The following SLC36A3 variants were observed in gnomAD, a reference collection of about 807,000 sequenced individuals.
The protein encoded by SLC36A3 is proton-coupled amino acid transporter 3.
A neutral mutation model predicts 44.3 loss-of-function variants in SLC36A3; 35 were observed. That is an observed-to-expected ratio of 0.79 (90% CI 0.60 to 1.05). The LOEUF is 1.05. Ranked by LOEUF, SLC36A3 falls within the 50% of genes least tolerant of loss-of-function variation. SLC36A3 has a pLI of 0.00. For missense variants in SLC36A3, 540 were observed against 578.7 expected, an observed-to-expected ratio of 0.93 and a Z score of 0.69; for synonymous variants, 211 against 227.6, an observed-to-expected ratio of 0.93 and a Z score of 0.66.
rs1754826094 is a variant in SLC36A3 at position 151,293,244 on chromosome 5, C to T, written c.404+120G>A. 9.7e-6 allele frequency: 8 copies of T among 828,566 alleles called. No homozygotes were observed. The East Asian group carries it at 2.2e-4, about 23-fold the overall frequency. The allele number at this position is 828,566 out of a possible 1,614,324, so 51.3% of individuals were successfully genotyped here. ...GGGGGATGGGGTTATCGAGGTGATT[C>T]TCTCTATTGTTTGATAGTTTACAAT... On this transcript the variant is annotated intron_variant, in intron 4 of 9. Coordinates refer to ENST00000335230, the MANE Select transcript of SLC36A3 (RefSeq NM_181774.4).
chr5:151,284,787 C>G (rs986624426), intron 6 of SLC36A3, 76 bp from the exon 7 acceptor site: 3 of 1,088,776 alleles, frequency 2.8e-6, no homozygotes, highest in African/African-American at 1.5e-5. Flanking sequence ...TGGTAGAAAG[C>G]TGGGTCACAC....
At chr5:151,279,657 T>A (rs1754237170) in intron 9 of SLC36A3, among the ~76,000 whole-genome samples, 1 of 152,156 alleles carries the variant, frequency 6.6e-6, no homozygotes. Context: ...ACAATACTAT[T>A]TACAGCTTCC....
chr5:151,280,900 A>G (rs1404562283), intron 9 of SLC36A3, 114 bp downstream of exon 9: 1 of 1,292,810 alleles, frequency 7.7e-7, no homozygotes. Context: ...GAGGTGAAAT[A>G]TCCCACCCTA....
At chr5:151,282,886 C>CTTTTTTTTTTTT (rs11362344) in intron 8 of SLC36A3, among the ~76,000 whole-genome samples, 1 of 142,656 alleles carries the variant, frequency 7.0e-6, no homozygotes, top group Admixed American at 7.0e-5. Context: ...TTCTTTCTTT[C>CTTTTTTTTTTTT]TTTTTTTTTT....
intron 8 of SLC36A3, among the ~76,000 whole-genome samples, chr5:151,283,720 C>A (rs1754415370): frequency 6.6e-6 from 1 of 152,248 alleles, no homozygotes; most frequent in Admixed American, 6.5e-5. Context: ...TGAATGCTTA[C>A]CACGTGCTAA....
rs767205072 is a variant in SLC36A3 at position 151,303,342 on chromosome 5, C to T, written c.13G>A (p.Gly5Arg). ...TTCAGCTCACTGTTGTAGTCCCTTC[C>T]AAGCAATGACATCTTCAACACGGTG... is the stretch of plus-strand genomic sequence containing the variant. The part of the protein sequence containing the change: MSLL[G>R]RDYNSELNSL... The change falls in exon 1 of 10, where the codon GGA becomes AGA. Residue 5 changes from glycine to arginine, a missense_variant. Gly to Arg is a moderately radical substitution (Grantham distance 125). Coordinates refer to ENST00000335230, the MANE Select transcript of SLC36A3 (RefSeq NM_181774.4). 1.9e-6 allele frequency: 3 copies of T among 1,613,228 alleles called. No individual in the cohort carries two copies. Among genetic ancestry groups the T allele is most frequent in the African/African-American group, 2.7e-5 (2 of 74,896 alleles).
At chr5:151,292,326 C>T (rs1754789263) in intron 4 of SLC36A3, among the ~76,000 whole-genome samples, 1 of 152,106 alleles carries the variant, frequency 6.6e-6, no homozygotes, top group African/African-American at 2.4e-5. Flanking sequence ...ACTGAGAATC[C>T]CAAGAGAGGA....
chr5:151,276,501 G>A lies in SLC36A3; in HGVS notation c.*892C>T, dbSNP rs193095477. Among the ~76,000 whole-genome samples, 69 of 152,136 alleles carry A rather than the reference G, an allele frequency of 4.5e-4. No individual in the cohort carries two copies. Among genetic ancestry groups the A allele is most frequent in the African/African-American group, 1.6e-3 (68 of 41,480 alleles). ...TCACAATTTATTTATCCATTCTCTT[G>A]TTTATAGACATTTAGAGTATTTCCA... On this transcript the variant is annotated 3_prime_UTR_variant, in exon 10 of 10. Transcript: ENST00000335230.
rs112032431 is a variant in SLC36A3 at position 151,291,574 on chromosome 5, C to T, written c.404+1790G>A. Among the ~76,000 whole-genome samples, 481 of 152,168 alleles carry T rather than the reference C, an allele frequency of 3.2e-3. 1 individual carries two copies. The highest frequency in any genetic ancestry group is 0.011 in the African/African-American group (455 of 41,514). ...CTATTTATCTTGTTCCTCTATCCCC[C>T]GTGCTTCCTATAAATGGATATTAGA... On this transcript the variant is annotated intron_variant, in intron 4 of 9. Transcript: ENST00000335230.
At chr5:151,296,692 A>G (rs1239393364) in intron 2 of SLC36A3, 1 of 167,344 alleles carries the variant, frequency 6.0e-6, no homozygotes, top group Non-Finnish European at 1.3e-5. Flanking sequence ...TGCCCTATTG[A>G]CATTTTGGGG....
At position 151,303,152 on chromosome 5, in the gene SLC36A3, A is replaced by G. The variant is rs879324266; in HGVS notation, c.128+75T>C. On this transcript the variant is annotated intron_variant, in intron 1 of 9. Coordinates refer to ENST00000335230, the MANE Select transcript of SLC36A3 (RefSeq NM_181774.4). ...AATAAGCGTGTTAAGGAGATAGATGAAGGAAGACATAGTCCAGAGTTGCAA... is the reference window on the plus strand; with the variant it reads ...AATAAGCGTGTTAAGGAGATAGATGGAGGAAGACATAGTCCAGAGTTGCAA... 2.0e-6 allele frequency: 3 copies of G among 1,524,002 alleles called. No individual in the cohort carries two copies. The African/African-American group carries it at 4.1e-5, about 21-fold the overall frequency. 94.4% of individuals were successfully genotyped at this position (1,524,002 alleles called of 1,614,324 possible). A position where few individuals can be genotyped will look rare whatever the true frequency, so the allele number is the denominator to read the frequency against.
intron 1 of SLC36A3, among the ~76,000 whole-genome samples, chr5:151,301,283 AT>A (rs1755157146): frequency 6.6e-6 from 1 of 152,182 alleles, no homozygotes; most frequent in African/African-American, 2.4e-5. Context: ...GGACTAACAA[AT>A]TAGCTATAAG....
chr5:151,287,195 A>G (rs940900345), intron 6 of SLC36A3, 51 bp downstream of exon 6: 2 of 1,581,106 alleles, frequency 1.3e-6, no homozygotes, highest in South Asian at 1.1e-5. Context: ...CCTCCTCCCC[A>G]GGTGTTTCAG....
At chr5:151,293,318 A>T in intron 4 of SLC36A3, 46 bp downstream of exon 4, 1 of 1,492,658 alleles carries the variant, frequency 6.7e-7, no homozygotes, top group South Asian at 1.2e-5. Context: ...AAGAAAAGTG[A>T]TATGATGATT....
intron 8 of SLC36A3, 25 bp downstream of exon 8, chr5:151,284,019 C>G: frequency 1.9e-6 from 3 of 1,590,686 alleles, no homozygotes; most frequent in Non-Finnish European, 2.6e-6. Context: ...CTCTCCCTAT[C>G]TCACCTGAGG....
At chr5:151,281,765 C>T (rs897309418) in intron 8 of SLC36A3, among the ~76,000 whole-genome samples, 3 of 146,348 alleles carry the variant, frequency 2.0e-5, no homozygotes, top group Admixed American at 6.7e-5. Flanking sequence ...TTGCAGTGAG[C>T]CGAAATTGCA....
intron 2 of SLC36A3, chr5:151,296,605 C>T (rs1451448725): frequency 6.1e-6 from 2 of 328,212 alleles, no homozygotes; most frequent in Non-Finnish European, 1.1e-5. Context: ...CTGGCCCTCA[C>T]TTCCTCCAAG....
chr5:151,298,541 C>T, intron 2 of SLC36A3, 52 bp downstream of exon 2: 3 of 1,579,184 alleles, frequency 1.9e-6, no homozygotes, highest in South Asian at 1.1e-5. Flanking sequence ...GGACCTATCA[C>T]CCCCTTCTGC....
chr5:151,296,635 T>C (rs757411377), intron 2 of SLC36A3: 4 of 269,582 alleles, frequency 1.5e-5, no homozygotes, highest in African/African-American at 4.4e-5. Flanking sequence ...GGCCAAGGTG[T>C]TCTTATGACT....
Sources: gnomAD v4.1 joint callset for allele counts (sites outside exome capture counted in the v4.1 genomes callset) on GRCh38, gnomAD v4.1.1 for gene constraint, MANE v1.5 for transcripts, NCBI Gene and HGNC (gene_info 2026-07-23, HGNC 2026-07-21) for gene names.